Variants in CACNA1B observed in about 807,000 individuals in gnomAD.
CACNA1B encodes the protein calcium voltage-gated channel subunit alpha1 B.
In CACNA1B, 70 loss-of-function variants were observed where a neutral mutation model predicts 247.2. The observed-to-expected ratio is 0.28, with a 90% CI of 0.23 to 0.35. CACNA1B has a LOEUF of 0.35. CACNA1B is among the 10% of genes least tolerant of loss of function. The pLI is 1.00. For synonymous variants in CACNA1B, 1,231 were observed against 1,294.4 expected (o/e 0.95, Z 1.05); for missense variants, 2,367 against 3,197.4 (o/e 0.74, Z 6.26).
intron 20 of CACNA1B, among the ~76,000 whole-genome samples, chr9:138,030,389 A>G (rs1033789685): frequency 6.6e-6 from 1 of 151,874 alleles, no homozygotes; most frequent in Non-Finnish European, 1.5e-5. Context: ...GGTATTTTAT[A>G]TTGATTTATT....
chr9:137,932,389 C>T (rs1406628058), intron 6 of CACNA1B, among the ~76,000 whole-genome samples: 1 of 152,188 alleles, frequency 6.6e-6, no homozygotes, highest in Non-Finnish European at 1.5e-5. Context: ...AGGTTCCAGT[C>T]CAGTTGGCTG....
chr9:137,968,096 C>A (rs1246271777), intron 10 of CACNA1B, among the ~76,000 whole-genome samples: 4 of 152,062 alleles, frequency 2.6e-5, no homozygotes, highest in African/African-American at 9.7e-5. Flanking sequence ...TGTTGCTATA[C>A]TTGGATCTCT....
intron 36 of CACNA1B, among the ~76,000 whole-genome samples, chr9:138,087,384 C>CAAAAAAAAAAAAAAAAAAAA (rs58566171): frequency 3.0e-4 from 16 of 52,580 alleles, no homozygotes; most frequent in Non-Finnish European, 4.3e-4. Flanking sequence ...GACTCTGTCT[C>CAAAAAAAAAAAAAAAAAAAA]AAAAAAAAAA....
At chr9:138,094,442 T>TAAAAAAAAAAAAAAAAAAA (rs753995157) in intron 36 of CACNA1B, among the ~76,000 whole-genome samples, 17 of 93,660 alleles carry the variant, frequency 1.8e-4, no homozygotes, top group East Asian at 1.0e-3. Context: ...TTTACTACAG[T>TAAAAAAAAAAAAAAAAAAA]AAAAAAAAAA....
intron 34 of CACNA1B, among the ~76,000 whole-genome samples, chr9:138,074,539 C>T (rs34176262): frequency 0.024 from 3,618 of 152,338 alleles, 86 homozygotes; most frequent in Non-Finnish European, 0.036. Flanking sequence ...CCGCGCCTGG[C>T]CTAAACTTAC....
At chr9:138,106,532 G>GGCCGAGGTGGGCGGAT (rs1398877050) in intron 39 of CACNA1B, among the ~76,000 whole-genome samples, 1 of 152,248 alleles carries the variant, frequency 6.6e-6, no homozygotes, top group Admixed American at 6.5e-5. Flanking sequence ...CACTTTGGGA[G>GGCCGAGGTGGGCGGAT]GCCGAGGTGG....
In CACNA1B at chr9:137,923,157, G is replaced by A. The variant is rs144010483; in HGVS notation, c.966+5726G>A. Among the ~76,000 whole-genome samples the A allele has an allele frequency of 5.9e-3, 893 of 151,626 alleles. 9 individuals carry two copies. The highest frequency in any genetic ancestry group is 0.011 in the Non-Finnish European group (743 of 67,904). ...ATTGAGTGGTGCCAGGTGTCAATTT[G>A]TGGTGCCAGGTAGTATTCCGTGGTG... On this transcript the variant is annotated intron_variant, in intron 6 of 46. Transcript: ENST00000371372.
intron 16 of CACNA1B, among the ~76,000 whole-genome samples, chr9:138,008,508 T>G (rs1208916552): frequency 1.3e-5 from 2 of 152,220 alleles, no homozygotes; most frequent in Non-Finnish European, 2.9e-5. Context: ...GAGCTCTGCG[T>G]GGACTCACCT....
intron 36 of CACNA1B, among the ~76,000 whole-genome samples, chr9:138,087,418 A>G (rs1960731921): frequency 6.8e-6 from 1 of 148,126 alleles, no homozygotes; most frequent in Non-Finnish European, 1.5e-5. Flanking sequence ...AAGAAAAAAA[A>G]GAAAAGAGAA....
intron 2 of CACNA1B, 123 bp downstream of exon 2, chr9:137,879,282 TG>T (rs1303376843): frequency 1.5e-6 from 1 of 647,560 alleles, no homozygotes. Context: ...CCCTCGCGTC[TG>T]AAGGAAAAGG....
intron 36 of CACNA1B, among the ~76,000 whole-genome samples, chr9:138,088,197 C>T (rs529769071): frequency 3.9e-4 from 59 of 151,996 alleles, no homozygotes; most frequent in African/African-American, 1.4e-3. Context: ...GGTGAAACCC[C>T]ATCTCTACTA....
intron 20 of CACNA1B, chr9:138,040,542 A>G: frequency 2.3e-6 from 1 of 429,340 alleles, no homozygotes; most frequent in East Asian, 7.5e-5. Context: ...TTACATGATC[A>G]CAAGGTCCCA....
At chr9:138,119,849 CCCAGACGCA>C (rs1484644054) in intron 44 of CACNA1B, among the ~76,000 whole-genome samples, 5 of 152,180 alleles carry the variant, frequency 3.3e-5, no homozygotes, top group Non-Finnish European at 7.3e-5. Flanking sequence ...GCCAGTCCAC[CCCAGACGCA>C]CCAGGCAGAG....
At chr9:137,972,732 G>A (rs2133366822) in intron 11 of CACNA1B, among the ~76,000 whole-genome samples, 1 of 152,314 alleles carries the variant, frequency 6.6e-6, no homozygotes, top group Non-Finnish European at 1.5e-5. Context: ...GTGGAACTCT[G>A]GGCTACAGTT....
chr9:138,054,176 G>A lies in CACNA1B; in HGVS notation c.3968+170G>A, dbSNP rs1359222640. Among the ~76,000 whole-genome samples, 2 of 152,142 alleles carry A rather than the reference G, an allele frequency of 1.3e-5. No individual in the cohort carries two copies. The highest frequency in any genetic ancestry group is 4.8e-5 in the African/African-American group (2 of 41,436). The stretch of plus-strand genomic sequence containing the variant: ...AGGGGCTTGCTTGAGAAGGGCTAGA[G>A]TCACCACAGAAGACAGGATGCATCC... On this transcript the variant is annotated intron_variant, in intron 26 of 46. Transcript: ENST00000371372. The surrounding 1 kb of genome is among the most constrained non-coding windows in gnomAD (Gnocchi z 4.6).
rs1038686850 is a variant in CACNA1B, at chr9:138,074,908, G to A, written c.4857+842G>A. Among the ~76,000 whole-genome samples the A allele has an allele frequency of 2.6e-5, 4 of 152,266 alleles. No individual in the cohort carries two copies. The East Asian group carries it at 7.7e-4, about 29-fold the overall frequency. ...CATGCTACTGGGGAAAACTGCCTGA[G>A]AATGTGAGCAGGAGCGCATCGGATC... On this transcript the variant is annotated intron_variant, in intron 34 of 46. Coordinates refer to ENST00000371372, the MANE Select transcript of CACNA1B (RefSeq NM_000718.4).
intron 15 of CACNA1B, among the ~76,000 whole-genome samples, chr9:137,992,816 C>T (rs1402989599): frequency 1.3e-5 from 2 of 148,450 alleles, no homozygotes; most frequent in Non-Finnish European, 3.0e-5. Flanking sequence ...AAAAAAAAAT[C>T]TATATTATAT....
chr9:138,119,941 C>T (rs549827755), intron 44 of CACNA1B, among the ~76,000 whole-genome samples: 21 of 152,316 alleles, frequency 1.4e-4, no homozygotes, highest in African/African-American at 5.1e-4. Context: ...AGCCACCTCT[C>T]TCTTCCTGGC....
rs534758730 is a variant in CACNA1B at position 138,022,875 on chromosome 9, G to A, written c.2268-136G>A. 2.8e-5 allele frequency: 33 copies of A among 1,183,404 alleles called. No homozygotes were observed. In the African/African-American group the frequency reaches 4.7e-4, roughly 17 times the overall value. The allele number at this position is 1,183,404 out of a possible 1,614,324, so 73.3% of individuals were successfully genotyped here. A position where few individuals can be genotyped will look rare whatever the true frequency, so the allele number is the denominator to read the frequency against. On this transcript the variant is annotated intron_variant, in intron 18 of 46. Transcript: ENST00000371372. ...CCCCACCTGATCCGCGTCCCCCGAGGGGTGTGGGGGCTCCCGCGGCCACGC... is the reference window on the plus strand; with the variant it reads ...CCCCACCTGATCCGCGTCCCCCGAGAGGTGTGGGGGCTCCCGCGGCCACGC...
Sources: gnomAD v4.1 joint callset for allele counts (sites outside exome capture counted in the v4.1 genomes callset) on GRCh38, gnomAD v4.1.1 for gene constraint, Gnocchi (gnomAD v3.1) non-coding constraint, MANE v1.5 for transcripts, NCBI Gene and HGNC (gene_info 2026-07-23, HGNC 2026-07-21) for gene names.